The following KCNN3 variants were observed in gnomAD, a reference collection of about 807,000 sequenced individuals.
KCNN3 encodes potassium calcium-activated channel subfamily N member 3.
In KCNN3, 16 loss-of-function variants were observed where a neutral mutation model predicts 62.9. The observed-to-expected ratio is 0.25, with a 90% CI of 0.17 to 0.39. KCNN3 has a LOEUF of 0.39. KCNN3 is among the 10% of genes least tolerant of loss of function. The pLI is 1.00. For missense variants in KCNN3, 599 were observed against 949.4 expected (o/e 0.63, Z 4.85); for synonymous variants, 370 against 389.2 (o/e 0.95, Z 0.58).
At chr1:154,736,829 CT>C (rs577595831) in intron 3 of KCNN3, among the ~76,000 whole-genome samples, 1 of 150,976 alleles carries the variant, frequency 6.6e-6, no homozygotes, top group Non-Finnish European at 1.5e-5. Flanking sequence ...TTGTGGGTTT[CT>C]TTTTTCATTC....
intron 4 of KCNN3, among the ~76,000 whole-genome samples, chr1:154,727,261 C>T (rs1286002321): frequency 1.3e-5 from 2 of 152,338 alleles, no homozygotes; most frequent in Non-Finnish European, 2.9e-5. Context: ...TTCTAGTTGC[C>T]ACAGAACCCA....
In KCNN3 at chr1:154,740,600, C is replaced by T. The variant is rs939145499; in HGVS notation, c.1449-7456G>A. ...TTCTAAGATGCCAGTGCCAATTAGG[C>T]TTCCACCAGAGGTGGATAAGAGTTC... On this transcript the variant is annotated intron_variant, in intron 3 of 7. Transcript: ENST00000271915. Among the ~76,000 whole-genome samples, 5 of 152,248 alleles carry T rather than the reference C, an allele frequency of 3.3e-5. 1 individual carries two copies. Among genetic ancestry groups the T allele is most frequent in the African/African-American group, 1.2e-4 (5 of 41,462 alleles).
At chr1:154,832,417 G>A (rs1460608211) in intron 1 of KCNN3, among the ~76,000 whole-genome samples, 1 of 151,872 alleles carries the variant, frequency 6.6e-6, no homozygotes, top group Admixed American at 6.6e-5. Context: ...CCAGCCCCCA[G>A]ATCTGTCCTG....
At chr1:154,801,873 G>T (rs867798056) in intron 2 of KCNN3, among the ~76,000 whole-genome samples, 1 of 152,276 alleles carries the variant, frequency 6.6e-6, no homozygotes, top group Middle Eastern at 3.4e-3. Flanking sequence ...GTCGGGGCGC[G>T]CCAGGAACGC....
At chr1:154,789,642 C>T (rs559315009) in intron 2 of KCNN3, among the ~76,000 whole-genome samples, 1 of 152,250 alleles carries the variant, frequency 6.6e-6, no homozygotes, top group African/African-American at 2.4e-5. Context: ...GAATGACTTG[C>T]TCCTTCACAC....
At chr1:154,844,525 G>A (rs554033736) in intron 1 of KCNN3, among the ~76,000 whole-genome samples, 5 of 152,332 alleles carry the variant, frequency 3.3e-5, no homozygotes, top group African/African-American at 1.2e-4. Flanking sequence ...GTCCCCAGTG[G>A]GGCAGACGTT....
At chr1:154,709,919 C>T (rs960072972) in intron 7 of KCNN3, among the ~76,000 whole-genome samples, 5 of 152,206 alleles carry the variant, frequency 3.3e-5, no homozygotes, top group African/African-American at 9.7e-5. Context: ...ACTGCCTGAC[C>T]GTGGGATGGT....
intron 3 of KCNN3, among the ~76,000 whole-genome samples, chr1:154,763,898 A>AT (rs1462394385): frequency 6.6e-6 from 1 of 152,206 alleles, no homozygotes; most frequent in East Asian, 1.9e-4. Context: ...TATCAATCTC[A>AT]TTTTTTGTAT....
intron 7 of KCNN3, 120 bp from the exon 8 acceptor site, chr1:154,708,392 C>G: frequency 9.8e-7 from 1 of 1,020,574 alleles, no homozygotes; most frequent in Non-Finnish European, 1.5e-6. Context: ...ACCAGCTGAT[C>G]TGGTCAAGGA....
chr1:154,833,160 C>T (rs1230395478), intron 1 of KCNN3, among the ~76,000 whole-genome samples: 1 of 152,128 alleles, frequency 6.6e-6, no homozygotes, highest in African/African-American at 2.4e-5. Context: ...CTTCCAACTT[C>T]GTCAGAGAAT....
At chr1:154,784,665 C>T (rs1025839179) in intron 2 of KCNN3, among the ~76,000 whole-genome samples, 12 of 152,190 alleles carry the variant, frequency 7.9e-5, no homozygotes, top group African/African-American at 2.9e-4. Flanking sequence ...GAGTGCTAGC[C>T]CCCGTTTCAG....
At chr1:154,859,779 C>G in intron 1 of KCNN3, 1 of 1,614,120 alleles carries the variant, frequency 6.2e-7, no homozygotes, top group South Asian at 1.1e-5. Flanking sequence ...CTGGTATCAG[C>G]AAGCTCTAAG....
At position 154,862,669 on chromosome 1, in the gene KCNN3, G is replaced by C. The variant is rs1251095320; in HGVS notation, c.933+6363C>G. Reference sequence around the variant, plus strand: ...GAGGAGGCATCAAGAACTGACCTTGGGCCAGTCCACAATCTCACCCTGATC... The same window carrying C: ...GAGGAGGCATCAAGAACTGACCTTGCGCCAGTCCACAATCTCACCCTGATC... On this transcript the variant is annotated intron_variant, in intron 1 of 7. Transcript: ENST00000271915. The surrounding 1 kb of genome is among the most constrained non-coding windows in gnomAD (Gnocchi z 4.1). Among the ~76,000 whole-genome samples, 2 of 152,042 alleles carry C rather than the reference G, an allele frequency of 1.3e-5. No individual in the cohort carries two copies. Among genetic ancestry groups the C allele is most frequent in the East Asian group, 3.9e-4 (2 of 5,162 alleles).
rs67091748 is a variant in KCNN3, at chr1:154,702,700, GATATATAT to G, written c.*5268_*5275del. On this transcript the variant is annotated 3_prime_UTR_variant, in exon 8 of 8. Coordinates refer to ENST00000271915, the MANE Select transcript of KCNN3 (RefSeq NM_002249.6). ...ACGTTGGCTGCTTCGATCTGATTCA[GATATATAT>G]ATATATATATATATATATATATATA... 2,683 of 42,890 alleles carry G rather than the reference GATATATAT, an allele frequency of 0.063. 89 individuals are homozygous for G. Among genetic ancestry groups the G allele is most frequent in the East Asian group, 0.078 (47 of 600 alleles). The allele number at this position is 42,890 out of a possible 1,614,324, so 2.7% of individuals were successfully genotyped here.
At chr1:154,828,375 C>G (rs1651227008) in intron 1 of KCNN3, among the ~76,000 whole-genome samples, 1 of 150,854 alleles carries the variant, frequency 6.6e-6, no homozygotes. Flanking sequence ...GTTTTCTTTT[C>G]CCAGGCATTT....
In KCNN3 at chr1:154,703,452, C is replaced by A. The variant is rs1266889805; in HGVS notation, c.*4524G>T. On this transcript the variant is annotated 3_prime_UTR_variant, in exon 8 of 8. Transcript: ENST00000271915. ...CAAACCCTGCAGAGTCAATAGGGATCCTTCATCTGCTTCTAGCAACTCTTA... is the reference window on the plus strand; with the variant it reads ...CAAACCCTGCAGAGTCAATAGGGATACTTCATCTGCTTCTAGCAACTCTTA... 6.6e-6 allele frequency: 1 copy of A among 152,144 alleles called. No homozygotes were observed. The highest frequency in any genetic ancestry group is 6.5e-5 in the Admixed American group (1 of 15,270). 9.4% of individuals were successfully genotyped at this position (152,144 alleles called of 1,614,324 possible). A position where few individuals can be genotyped will look rare whatever the true frequency, so the allele number is the denominator to read the frequency against.
intron 3 of KCNN3, among the ~76,000 whole-genome samples, chr1:154,740,448 C>G (rs1700802880): frequency 6.6e-6 from 1 of 152,182 alleles, no homozygotes; most frequent in Non-Finnish European, 1.5e-5. Flanking sequence ...TCACCCAGCC[C>G]AAACATTCTT....
intron 1 of KCNN3, among the ~76,000 whole-genome samples, chr1:154,850,655 C>T (rs2101922497): frequency 6.6e-6 from 1 of 152,304 alleles, no homozygotes; most frequent in South Asian, 2.1e-4. Context: ...GCTGGGAGAC[C>T]TTGAGGAGGT....
At chr1:154,732,781 G>A (rs1005472442) in intron 4 of KCNN3, among the ~76,000 whole-genome samples, 1 of 152,206 alleles carries the variant, frequency 6.6e-6, no homozygotes, top group African/African-American at 2.4e-5. Context: ...TAACTGCCAG[G>A]AGTCCAGGTC....
Sources: allele counts gnomAD v4.1 joint callset (sites outside exome capture counted in the v4.1 genomes callset), GRCh38; gene constraint gnomAD v4.1.1; non-coding constraint Gnocchi (gnomAD v3.1); transcripts MANE v1.5; gene names NCBI Gene and HGNC (gene_info 2026-07-23, HGNC 2026-07-21).